PCDH9: variants seen among roughly 807,000 people sequenced by gnomAD.
The protein encoded by PCDH9 is protocadherin-9.
PCDH9 carries 24 observed loss-of-function variants against 70.6 expected under a neutral mutation model. That is an observed-to-expected ratio of 0.34 (90% CI 0.25 to 0.48). The LOEUF is 0.48. PCDH9 is among the 20% of genes least tolerant of loss of function. The pLI, the probability that PCDH9 is intolerant of heterozygous loss-of-function variation, is 0.99. For missense variants in PCDH9, 1,281 were observed against 1,503.6 expected (o/e 0.85, Z 2.45); for synonymous variants, 562 against 558.5 (o/e 1.01, Z -0.09).
chr13:67,004,335 C>T (rs574369734), intron 2 of PCDH9, among the ~76,000 whole-genome samples: 1 of 151,578 alleles, frequency 6.6e-6, no homozygotes, highest in Admixed American at 6.6e-5. Context: ...TTTTGGGAGG[C>T]CGAGCCAGGT....
At chr13:66,415,743 A>AG (rs1957449250) in intron 4 of PCDH9, among the ~76,000 whole-genome samples, 1 of 151,496 alleles carries the variant, frequency 6.6e-6, no homozygotes, top group African/African-American at 2.4e-5. Context: ...GTAAAATAAG[A>AG]GAAAAAAATC....
At chr13:66,477,874 G>T (rs1274055923) in intron 4 of PCDH9, among the ~76,000 whole-genome samples, 1 of 152,120 alleles carries the variant, frequency 6.6e-6, no homozygotes, top group Non-Finnish European at 1.5e-5. Flanking sequence ...ATTCTCTTCA[G>T]GATGATCTCA....
rs183336832 is a variant in PCDH9, at chr13:67,099,521, G to A, written c.3036+125884C>T. Among the ~76,000 whole-genome samples the A allele has an allele frequency of 6.1e-4, 93 of 152,274 alleles. 1 individual carries two copies. The highest frequency in any genetic ancestry group is 2.1e-3 in the African/African-American group (88 of 41,546). On this transcript the variant is annotated intron_variant, in intron 2 of 4. Coordinates refer to ENST00000377865, the MANE Select transcript of PCDH9 (RefSeq NM_203487.3). ...GCATCTCATCTAGCATATACTAAAT[G>A]AAATCATGTAAAGAAATAACTTTTC...
intron 3 of PCDH9, among the ~76,000 whole-genome samples, chr13:66,713,623 G>GTATATATATATATATA (rs762817724): frequency 0.018 from 1,671 of 92,436 alleles, 36 homozygotes; most frequent in South Asian, 0.026. Context: ...GTGTGTGTGT[G>GTATATATATATATATA]TGTATATATA....
chr13:67,170,792 G>T (rs2088262329), intron 2 of PCDH9, among the ~76,000 whole-genome samples: 1 of 152,072 alleles, frequency 6.6e-6, no homozygotes, highest in Non-Finnish European at 1.5e-5. Flanking sequence ...GGGCCTGGTG[G>T]TGCACTCCTG....
At chr13:67,188,767 G>T (rs1465930365) in intron 2 of PCDH9, among the ~76,000 whole-genome samples, 1 of 151,940 alleles carries the variant, frequency 6.6e-6, no homozygotes, top group Non-Finnish European at 1.5e-5. Context: ...TTTTATAAGA[G>T]CAGCTGTAAT....
intron 3 of PCDH9, among the ~76,000 whole-genome samples, chr13:66,784,835 A>C (rs1054453545): frequency 5.9e-5 from 9 of 152,146 alleles, no homozygotes; most frequent in African/African-American, 2.2e-4. Context: ...AGGTAAATAC[A>C]TTATATTGCT....
intron 4 of PCDH9, among the ~76,000 whole-genome samples, chr13:66,359,293 G>A (rs1022742721): frequency 6.6e-6 from 1 of 151,846 alleles, no homozygotes; most frequent in Non-Finnish European, 1.5e-5. Flanking sequence ...TCAGCATTCC[G>A]CAGGGGCTGT....
At chr13:66,935,293 T>A (rs957616605) in intron 2 of PCDH9, among the ~76,000 whole-genome samples, 11 of 152,072 alleles carry the variant, frequency 7.2e-5, no homozygotes, top group Non-Finnish European at 1.6e-4. Context: ...CGGGCTCAAA[T>A]GATCCTCCCA....
Position 67,071,054 on chromosome 13 carries a change from A to C in PCDH9, c.3036+154351T>G, listed in dbSNP as rs1027344146. Among the ~76,000 whole-genome samples, 19 of 152,260 alleles carry C rather than the reference A, an allele frequency of 1.2e-4. 1 individual carries two copies. The East Asian group carries it at 3.7e-3, about 29-fold the overall frequency. On this transcript the variant is annotated intron_variant, in intron 2 of 4. Coordinates refer to ENST00000377865, the MANE Select transcript of PCDH9 (RefSeq NM_203487.3). ...ATTCATTCTCGCTAACTTCCCAAAC[A>C]AGAGGCACTATCTCTTCAGAGATTT...
intron 4 of PCDH9, among the ~76,000 whole-genome samples, chr13:66,584,529 T>C (rs1209704973): frequency 6.6e-6 from 1 of 152,164 alleles, no homozygotes; most frequent in East Asian, 1.9e-4. Context: ...AAATAAGTGA[T>C]TCATTTAAGT....
rs766001816 is a variant in PCDH9, at chr13:67,225,635, C to T, written c.2806G>A (p.Ala936Thr). Residue 936 changes from alanine to threonine, a missense_variant, in exon 2 of 5, where the codon GCC becomes ACC. Around this residue, in one of 4 missense-constraint regions of PCDH9, gnomAD observed 207 missense variants for 191.8 expected, o/e 1.08. Transcript: ENST00000377865. ...GGAGAAGCAGATTTGTAGTGCTTGG[C>T]CAGGTCAGGACTGTTAGGCTTGAAT... is the stretch of plus-strand genomic sequence containing the variant. ...TTFKPNSPDL[A>T]KHYKSASPQP... is the part of the protein sequence containing the mutation. 2 of 1,614,076 alleles carry T rather than the reference C, an allele frequency of 1.2e-6. No individual in the cohort carries two copies. The highest frequency in any genetic ancestry group is 1.7e-6 in the Non-Finnish European group (2 of 1,180,006).
At chr13:66,421,686 C>T (rs1005200224) in intron 4 of PCDH9, among the ~76,000 whole-genome samples, 7 of 152,074 alleles carry the variant, frequency 4.6e-5, no homozygotes, top group Non-Finnish European at 7.4e-5. Flanking sequence ...AAGGAAAAAC[C>T]GGTACCAGCC....
chr13:66,958,111 C>T (rs965231750), intron 2 of PCDH9, among the ~76,000 whole-genome samples: 34 of 152,162 alleles, frequency 2.2e-4, no homozygotes, highest in Admixed American at 1.7e-3. Context: ...TGAAGAGGCA[C>T]CCCAATTTGA....
Position 66,954,710 on chromosome 13 carries a change from C to T in PCDH9, c.3037-51105G>A, listed in dbSNP as rs2083239804. The stretch of plus-strand genomic sequence containing the variant: ...AACAGCATGCCCTCCCTCTCACAGA[C>T]CAAGAATAGGGGCCCTTGTCCTAAA... On this transcript the variant is annotated intron_variant, in intron 2 of 4. Transcript: ENST00000377865. Among the ~76,000 whole-genome samples, 6 of 152,292 alleles carry T rather than the reference C, an allele frequency of 3.9e-5. 1 individual carries two copies. In the South Asian group the frequency reaches 1.0e-3, roughly 26 times the overall value.
In PCDH9 at chr13:66,852,214, A is replaced by C. The variant is rs549280930; in HGVS notation, c.3138+51290T>G. Among the ~76,000 whole-genome samples, 444 of 152,202 alleles carry C rather than the reference A, an allele frequency of 2.9e-3. 2 individuals carry two copies. Among genetic ancestry groups the C allele is most frequent in the South Asian group, 9.5e-3 (46 of 4,828 alleles). Reference sequence around the variant, plus strand: ...GTAGCTCTATATGCTGATAACTATTATAATATTGATGATGATGATGATGAC... The same window carrying C: ...GTAGCTCTATATGCTGATAACTATTCTAATATTGATGATGATGATGATGAC... On this transcript the variant is annotated intron_variant, in intron 3 of 4. Transcript: ENST00000377865.
At chr13:66,573,830 C>T (rs2076773035) in intron 4 of PCDH9, among the ~76,000 whole-genome samples, 1 of 152,060 alleles carries the variant, frequency 6.6e-6, no homozygotes, top group African/African-American at 2.4e-5. Context: ...TGCATGTGGA[C>T]ATAGGAATCC....
chr13:66,712,608 A>G (rs1321569306), intron 3 of PCDH9, among the ~76,000 whole-genome samples: 2 of 152,190 alleles, frequency 1.3e-5, no homozygotes, highest in African/African-American at 4.8e-5. Flanking sequence ...CAAGCTTCAA[A>G]GAAGTCCTTT....
At chr13:66,533,107 G>A (rs1182192262) in intron 4 of PCDH9, among the ~76,000 whole-genome samples, 1 of 152,118 alleles carries the variant, frequency 6.6e-6, no homozygotes, top group Non-Finnish European at 1.5e-5. Context: ...CAGGGCTTCT[G>A]GGCTGACGTT....
Sources: allele counts gnomAD v4.1 joint callset (sites outside exome capture counted in the v4.1 genomes callset), GRCh38; gene constraint gnomAD v4.1.1; regional missense constraint gnomAD v4.1.1; transcripts MANE v1.5; gene names NCBI Gene and HGNC (gene_info 2026-07-23, HGNC 2026-07-21).